The following SLC9A9 variants were observed in gnomAD, a reference collection of about 807,000 sequenced individuals.
SLC9A9 encodes sodium/hydrogen exchanger 9.
In SLC9A9, 62 loss-of-function variants were observed where a neutral mutation model predicts 77.8. The ratio of observed to expected loss-of-function variants is 0.80; its 90% CI spans 0.65 to 0.98. The LOEUF (loss-of-function observed/expected upper bound fraction) is 0.98. Among genes scored for constraint, SLC9A9 ranks in the 50% least tolerant of loss-of-function variants. SLC9A9 has a pLI of 0.00. For synonymous variants in SLC9A9, 320 were observed against 283.5 expected, an observed-to-expected ratio of 1.13 and a Z score of -1.29; for missense variants, 775 against 774.9, an observed-to-expected ratio of 1.00 and a Z score of 0.00.
chr3:143,589,289 TTAGA>T (rs376814041), intron 6 of SLC9A9, among the ~76,000 whole-genome samples: 3 of 152,340 alleles, frequency 2.0e-5, no homozygotes, highest in South Asian at 2.1e-4. Flanking sequence ...AAATTATGGC[TTAGA>T]TAGATTAAGT....
intron 9 of SLC9A9, among the ~76,000 whole-genome samples, chr3:143,514,003 A>G (rs2108607693): frequency 6.6e-6 from 1 of 151,072 alleles, no homozygotes; most frequent in Non-Finnish European, 1.5e-5. Flanking sequence ...CCGTCCCCCT[A>G]CCCCAGGACA....
At chr3:143,657,760 T>A (rs570057609) in intron 5 of SLC9A9, among the ~76,000 whole-genome samples, 1 of 152,352 alleles carries the variant, frequency 6.6e-6, no homozygotes, top group East Asian at 1.9e-4. Context: ...GGTAAAAATA[T>A]GTTATTTATA....
chr3:143,536,615 C>T (rs1350029848), intron 9 of SLC9A9, among the ~76,000 whole-genome samples: 1 of 152,158 alleles, frequency 6.6e-6, no homozygotes, highest in African/African-American at 2.4e-5. Context: ...TAGAAGGGAG[C>T]TTGACAATTG....
intron 12 of SLC9A9, among the ~76,000 whole-genome samples, chr3:143,433,826 G>A (rs1232749798): frequency 6.6e-6 from 1 of 152,242 alleles, no homozygotes; most frequent in Non-Finnish European, 1.5e-5. Context: ...CAACTGGAAA[G>A]TAAGCTGGAA....
At chr3:143,740,292 T>C (rs1485647360) in intron 4 of SLC9A9, among the ~76,000 whole-genome samples, 1 of 152,158 alleles carries the variant, frequency 6.6e-6, no homozygotes, top group Admixed American at 6.5e-5. Flanking sequence ...ATGCCAAGAA[T>C]GTTGGAGGTT....
At chr3:143,479,045 T>G (rs574202979) in intron 11 of SLC9A9, among the ~76,000 whole-genome samples, 50 of 152,296 alleles carry the variant, frequency 3.3e-4, no homozygotes, top group African/African-American at 1.2e-3. Flanking sequence ...TATTACTCAG[T>G]TCTCTCAGAG....
At chr3:143,669,722 C>T (rs544431249) in intron 5 of SLC9A9, among the ~76,000 whole-genome samples, 1 of 152,298 alleles carries the variant, frequency 6.6e-6, no homozygotes, top group Non-Finnish European at 1.5e-5. Context: ...TCTGATCAGA[C>T]CCCAGCTGTT....
At chr3:143,762,199 G>A (rs1381520889) in intron 4 of SLC9A9, among the ~76,000 whole-genome samples, 1 of 152,108 alleles carries the variant, frequency 6.6e-6, no homozygotes, top group African/African-American at 2.4e-5. Context: ...CGTGGGGTTG[G>A]GGGAGGGGGA....
rs944439736 is a variant in SLC9A9 at position 143,551,801 on chromosome 3, T to A, written c.1089+561A>T. Among the ~76,000 whole-genome samples, 10 of 152,218 alleles carry A rather than the reference T, an allele frequency of 6.6e-5. No individual in the cohort carries two copies. The South Asian group carries it at 2.1e-3, about 32-fold the overall frequency. ...CAGGGCCATAAACTATCTGTTCTTG[T>A]ATTCCTAGTAGCTAGCATGGTGCTT... is the stretch of plus-strand genomic sequence containing the variant. On this transcript the variant is annotated intron_variant, in intron 9 of 15. Coordinates refer to ENST00000316549, the MANE Select transcript of SLC9A9 (RefSeq NM_173653.4).
chr3:143,467,935 T>C (rs1284149760), intron 11 of SLC9A9, among the ~76,000 whole-genome samples: 8 of 152,256 alleles, frequency 5.3e-5, no homozygotes, highest in Non-Finnish European at 1.2e-4. Context: ...TATAGTCTCT[T>C]GGAATTGCCT....
At chr3:143,597,868 A>G (rs1236114706) in intron 6 of SLC9A9, among the ~76,000 whole-genome samples, 1 of 152,250 alleles carries the variant, frequency 6.6e-6, no homozygotes, top group Non-Finnish European at 1.5e-5. Flanking sequence ...ACTGGCTTCA[A>G]TTAACATTCT....
intron 3 of SLC9A9, among the ~76,000 whole-genome samples, chr3:143,795,349 T>C (rs1454739406): frequency 6.7e-6 from 1 of 149,888 alleles, no homozygotes; most frequent in African/African-American, 2.5e-5. Context: ...CTCCAAGAAC[T>C]GGCTGGACCT....
intron 9 of SLC9A9, among the ~76,000 whole-genome samples, chr3:143,543,347 G>A (rs1268464975): frequency 1.3e-5 from 2 of 150,860 alleles, no homozygotes; most frequent in East Asian, 1.9e-4. Context: ...CCTAGTCACA[G>A]TGTGTTACCT....
At chr3:143,419,305 G>C (rs182993296) in intron 12 of SLC9A9, among the ~76,000 whole-genome samples, 1 of 152,066 alleles carries the variant, frequency 6.6e-6, no homozygotes, top group Non-Finnish European at 1.5e-5. Context: ...TTGCAGGGGG[G>C]GCACAGAGAG....
rs111451946 is a variant in SLC9A9 at position 143,544,431 on chromosome 3, G to T, written c.1089+7931C>A. 9.2e-5 allele frequency among the ~76,000 whole-genome samples: 14 copies of T among 152,128 alleles called. 1 individual carries two copies. Among genetic ancestry groups the T allele is most frequent in the African/African-American group, 3.4e-4 (14 of 41,488 alleles). On this transcript the variant is annotated intron_variant, in intron 9 of 15. Transcript: ENST00000316549. Reference sequence around the variant, plus strand: ...TTTAGTAGAGACGGGGTTTCACTGTGTTAGCCAGGATGGTCTCGATCTCCT... The same window carrying T: ...TTTAGTAGAGACGGGGTTTCACTGTTTTAGCCAGGATGGTCTCGATCTCCT...
chr3:143,348,166 A>C (rs2032349374), intron 14 of SLC9A9, among the ~76,000 whole-genome samples: 1 of 151,904 alleles, frequency 6.6e-6, no homozygotes, highest in Non-Finnish European at 1.5e-5. Context: ...GGTCCAGCTA[A>C]TTTTTGTATT....
intron 8 of SLC9A9, among the ~76,000 whole-genome samples, chr3:143,554,738 C>T (rs960432063): frequency 2.6e-5 from 4 of 152,152 alleles, no homozygotes; most frequent in African/African-American, 9.7e-5. Context: ...CTGACCACTC[C>T]CCACCGCCTT....
chr3:143,315,799 G>T (rs2031190542), intron 14 of SLC9A9, among the ~76,000 whole-genome samples: 1 of 152,136 alleles, frequency 6.6e-6, no homozygotes, highest in African/African-American at 2.4e-5. Flanking sequence ...GCTTCCCTGG[G>T]GTAAAGCTAA....
intron 12 of SLC9A9, among the ~76,000 whole-genome samples, chr3:143,452,544 C>G (rs994644942): frequency 6.9e-6 from 1 of 145,238 alleles, no homozygotes; most frequent in Non-Finnish European, 1.5e-5. Flanking sequence ...AACACATTAT[C>G]TTGATTGGAT....
Sources: gnomAD v4.1 joint callset for allele counts (sites outside exome capture counted in the v4.1 genomes callset) on GRCh38, gnomAD v4.1.1 for gene constraint, MANE v1.5 for transcripts, NCBI Gene and HGNC (gene_info 2026-07-23, HGNC 2026-07-21) for gene names.